The following PHF3 variants were observed in gnomAD, a reference collection of about 807,000 sequenced individuals.
PHF3 encodes the protein PHD finger protein 3.
Under a neutral mutation model 178.4 loss-of-function variants are expected in PHF3, and 41 were observed. The ratio of observed to expected loss-of-function variants is 0.23; its 90% CI spans 0.18 to 0.30. The LOEUF is 0.30. Ranked by LOEUF, PHF3 falls within the 10% of genes least tolerant of loss-of-function variation. PHF3 has a pLI of 1.00. For missense variants in PHF3, 2,346 were observed against 2,398.1 expected (o/e 0.98, Z 0.45); for synonymous variants, 842 against 800.5 (o/e 1.05, Z -0.88).
chr6:63,712,862 A>C lies in PHF3; in HGVS notation c.5274A>C (p.Ser1758=), dbSNP rs778618850. The change falls in exon 16 of 16, where the codon TCA becomes TCC. Residue 1758 remains serine, a synonymous_variant. Coordinates refer to ENST00000262043, the MANE Select transcript of PHF3 (RefSeq NM_001370348.2). Reference sequence around the variant, plus strand: ...CTGTGCACCCATTTCGAAGAGGATCAGCAGTAGCGACATCTCATTTTGAAG... The same window carrying C: ...CTGTGCACCCATTTCGAAGAGGATCCGCAGTAGCGACATCTCATTTTGAAG... ...IETVHPFRRG[S]AVATSHFEVG... 10 of 1,614,086 alleles carry C rather than the reference A, an allele frequency of 6.2e-6. No homozygotes were observed. Among genetic ancestry groups the C allele is most frequent in the South Asian group, 1.1e-5 (1 of 91,086 alleles).
rs955291639 is a variant in PHF3, at chr6:63,717,387, A to G, written c.*3679A>G. ...AGATCCCTGTAACACTGGTCAGGCT[A>G]CAACTTACTAATGACTACAAAGAAC... On this transcript the variant is annotated 3_prime_UTR_variant, in exon 16 of 16. Transcript: ENST00000262043. 2.0e-5 allele frequency among the ~76,000 whole-genome samples: 3 copies of G among 152,106 alleles called. No individual in the cohort carries two copies. The highest frequency in any genetic ancestry group is 2.9e-5 in the Non-Finnish European group (2 of 67,986).
Position 63,680,024 on chromosome 6 carries a change from A to G in PHF3, c.269A>G (p.Asp90Gly). The change falls in exon 3 of 16, where the codon GAT becomes GGT. Residue 90 changes from aspartate (D) to glycine (G), a missense_variant. Asp to Gly is a moderately conservative substitution (Grantham distance 94). Around this residue, in one of 8 missense-constraint regions of PHF3, gnomAD observed 843 missense variants for 795.2 expected, o/e 1.06. Transcript: ENST00000262043. ...STVVGLDDIM[D>G]EGVVKESGND... ...GTTGTTGGTCTTGACGATATTATGG[A>G]TGAAGGAGTTGTTAAAGAAAGTGGC... The G allele has an allele frequency of 6.2e-7, 1 of 1,611,612 alleles. No homozygotes were observed. The highest frequency in any genetic ancestry group is 8.5e-7 in the Non-Finnish European group (1 of 1,178,856).
chr6:63,640,383 T>C (rs1255313408), intron 1 of PHF3, among the ~76,000 whole-genome samples: 2 of 152,242 alleles, frequency 1.3e-5, no homozygotes, highest in East Asian at 3.8e-4. Flanking sequence ...CTGTCACTTA[T>C]TTATTTTGTA....
intron 1 of PHF3, 54 bp from the exon 2 acceptor site, chr6:63,646,473 T>C (rs1310804436): frequency 1.6e-6 from 2 of 1,285,662 alleles, no homozygotes; most frequent in Non-Finnish European, 2.1e-6. Context: ...TGGTATTAGG[T>C]GATTTTCAAT....
chr6:63,709,283 T>C, intron 14 of PHF3, 43 bp downstream of exon 14: 1 of 1,269,092 alleles, frequency 7.9e-7, no homozygotes, highest in East Asian at 2.3e-5. Flanking sequence ...GGAAAATGTT[T>C]AGAAAGTAAA....
At chr6:63,651,021 T>C (rs1435675138) in intron 2 of PHF3, among the ~76,000 whole-genome samples, 1 of 152,226 alleles carries the variant, frequency 6.6e-6, no homozygotes, top group Non-Finnish European at 1.5e-5. Context: ...TGTTTTTGTT[T>C]ATTATTAGTT....
Position 63,721,400 on chromosome 6 carries a change from T to C in PHF3, c.*7692T>C. 1 of 1,551,666 alleles carries C rather than the reference T, an allele frequency of 6.4e-7. No homozygotes were observed. The highest frequency in any genetic ancestry group is 8.7e-7 in the Non-Finnish European group (1 of 1,146,858). ...TTCTGCATGTGTTGTACCCACAGGC[T>C]GTCCCATCACAGTCACCTACATTTG... On this transcript the variant is annotated 3_prime_UTR_variant, in exon 16 of 16. Transcript: ENST00000262043.
Position 63,644,242 on chromosome 6 carries a change from ACT to A in PHF3, c.-25-2280_-25-2279del, listed in dbSNP as rs376808833. Among the ~76,000 whole-genome samples, 1,054 of 152,160 alleles carry A rather than the reference ACT, an allele frequency of 6.9e-3. 15 individuals carry two copies. Among genetic ancestry groups the A allele is most frequent in the South Asian group, 0.024 (115 of 4,810 alleles). On this transcript the variant is annotated intron_variant, in intron 1 of 15. Transcript: ENST00000262043. Reference sequence around the variant, plus strand: ...AAAAAAGATTACTAATTGGGATGCAACTCTCTGAAGAGGAGGTGGCTTTGGTT... The same window carrying A: ...AAAAAAGATTACTAATTGGGATGCAACTCTGAAGAGGAGGTGGCTTTGGTT...
rs1316161597 is a variant in PHF3, at chr6:63,723,952, C to T, written c.*10244C>T. Among the ~76,000 whole-genome samples, 1 of 151,908 alleles carries T rather than the reference C, an allele frequency of 6.6e-6. No homozygotes were observed. Among genetic ancestry groups the T allele is most frequent in the African/African-American group, 2.4e-5 (1 of 41,364 alleles). ...TTTCCCGAGTATCTGGGACTACAGG[C>T]ACTGGCCATCACGGCCGGCTAATTT... On this transcript the variant is annotated 3_prime_UTR_variant, in exon 16 of 16. Coordinates refer to ENST00000262043, the MANE Select transcript of PHF3 (RefSeq NM_001370348.2).
Position 63,685,324 on chromosome 6 carries a change from A to G in PHF3, c.1602A>G (p.Val534=). The change falls in exon 4 of 16, where the codon GTA becomes GTG. Residue 534 remains valine (V), a synonymous_variant. Transcript: ENST00000262043. ...AAAGTGTGAAACGAAATACTGATGT[A>G]CCAGAATCTCAGCAAAATTTTCATA... The part of the protein sequence containing the change: ...NVKSVKRNTD[V]PESQQNFHRP... 6.2e-7 allele frequency: 1 copy of G among 1,614,122 alleles called. No homozygotes were observed. The highest frequency in any genetic ancestry group is 2.2e-5 in the East Asian group (1 of 44,874).
chr6:63,658,165 T>C (rs975433641), intron 2 of PHF3, among the ~76,000 whole-genome samples: 2 of 152,234 alleles, frequency 1.3e-5, no homozygotes, highest in African/African-American at 4.8e-5. Flanking sequence ...TCACTACTTA[T>C]ACCATCTATC....
Position 63,694,577 on chromosome 6 carries a change from C to T in PHF3, c.2497-4C>T, listed in dbSNP as rs758266549. ...TTCTAATGAATTAAGTACTCATTTT[C>T]CAGGAGTCTGGTGAAGGCAGAAATT... On this transcript the variant is annotated splice_region_variant and splice_polypyrimidine_tract_variant and intron_variant, in intron 5 of 15. Coordinates refer to ENST00000262043, the MANE Select transcript of PHF3 (RefSeq NM_001370348.2). The T allele has an allele frequency of 1.4e-6, 2 of 1,454,562 alleles. No homozygotes were observed. Among genetic ancestry groups the T allele is most frequent in the Non-Finnish European group, 1.8e-6 (2 of 1,098,456 alleles). The allele number at this position is 1,454,562 out of a possible 1,614,324, so 90.1% of individuals were successfully genotyped here.
chr6:63,718,420 A>C lies in PHF3; in HGVS notation c.*4712A>C, dbSNP rs1270834675. Among the ~76,000 whole-genome samples the C allele has an allele frequency of 2.0e-5, 3 of 152,076 alleles. No homozygotes were observed. Among genetic ancestry groups the C allele is most frequent in the Admixed American group, 2.0e-4 (3 of 15,218 alleles). On this transcript the variant is annotated 3_prime_UTR_variant, in exon 16 of 16. Transcript: ENST00000262043. ...TATATCATTATTTAGCATACTAGAA[A>C]ATCAAATGATAAACGTTAAAAATAT...
intron 2 of PHF3, among the ~76,000 whole-genome samples, chr6:63,665,617 C>G (rs1036601737): frequency 3.3e-5 from 5 of 151,328 alleles, no homozygotes; most frequent in African/African-American, 9.7e-5. Flanking sequence ...ACCCAAGCAG[C>G]TGGGATTACA....
In PHF3 at chr6:63,721,086, A is replaced by G. The variant is rs1768364712; in HGVS notation, c.*7378A>G. On this transcript the variant is annotated 3_prime_UTR_variant, in exon 16 of 16. Transcript: ENST00000262043. ...TTTAGTGGTACTGAAATTTAAGGAT[A>G]TAGTAGTGAACTGGAGGTTTCTCAT... The G allele has an allele frequency of 6.4e-7, 1 of 1,551,244 alleles. No individual in the cohort carries two copies.
intron 3 of PHF3, among the ~76,000 whole-genome samples, chr6:63,682,128 T>G (rs1168460280): frequency 2.0e-5 from 3 of 152,110 alleles, no homozygotes; most frequent in African/African-American, 7.2e-5. Context: ...AAACCTTGCT[T>G]TACTATCTCC....
intron 1 of PHF3, among the ~76,000 whole-genome samples, chr6:63,637,664 A>G (rs1251882377): frequency 6.6e-6 from 1 of 152,118 alleles, no homozygotes; most frequent in East Asian, 1.9e-4. Context: ...CACTGTTATT[A>G]TTATTTTACA....
At position 63,700,423 on chromosome 6, in the gene PHF3, C is replaced by A; in HGVS notation, c.3056C>A (p.Ala1019Asp). 6.2e-7 allele frequency: 1 copy of A among 1,604,284 alleles called. No individual in the cohort carries two copies. The highest frequency in any genetic ancestry group is 8.5e-7 in the Non-Finnish European group (1 of 1,172,016). ...HLIRMSPEELASKELAAWRRR... is the reference protein window; with the variant it reads ...HLIRMSPEELDSKELAAWRRR... ...ATCAGAATGAGTCCAGAAGAACTAG[C>A]TTCTAAAGAGTTAGCTGCTTGGAGA... The change falls in exon 9 of 16, where the codon GCT becomes GAT. Residue 1019 changes from alanine to aspartate, a missense_variant. Coordinates refer to ENST00000262043, the MANE Select transcript of PHF3 (RefSeq NM_001370348.2).
At chr6:63,640,082 A>G (rs1344293931) in intron 1 of PHF3, among the ~76,000 whole-genome samples, 2 of 152,208 alleles carry the variant, frequency 1.3e-5, no homozygotes, top group Non-Finnish European at 2.9e-5. Context: ...TTTACCAGAT[A>G]CATTTAGAAA....
Sources: allele counts gnomAD v4.1 joint callset (sites outside exome capture counted in the v4.1 genomes callset), GRCh38; gene constraint gnomAD v4.1.1; regional missense constraint gnomAD v4.1.1; transcripts MANE v1.5; gene names NCBI Gene and HGNC (gene_info 2026-07-23, HGNC 2026-07-21).